Variants in MAP7D2 observed in about 807,000 individuals in gnomAD.
MAP7D2 encodes the protein MAP7 domain-containing protein 2.
MAP7D2 carries 33 observed loss-of-function variants against 63.5 expected under a neutral mutation model. That is an observed-to-expected ratio of 0.52 (90% CI 0.39 to 0.70). The LOEUF is 0.70. Among genes scored for constraint, MAP7D2 ranks in the 30% least tolerant of loss-of-function variants. The probability of loss-of-function intolerance (pLI) is 0.00; values close to 1 mark genes in which losing one functional copy is unlikely to be tolerated. For synonymous variants in MAP7D2, 224 were observed against 223.7 expected (o/e 1.00, Z -0.01); for missense variants, 626 against 604.0 (o/e 1.04, Z -0.38).
intron 1 of MAP7D2, among the ~76,000 whole-genome samples, chrX:20,086,262 G>A (rs1387002303): frequency 8.9e-6 from 1 of 111,845 alleles, no homozygotes; most frequent in African/African-American, 3.3e-5. Context: ...CTTCCCAGCT[G>A]CTCCTGTCCC....
rs148393936 is a variant in MAP7D2, at chrX:20,087,277, T to C, written c.131-22472A>G. Among the ~76,000 whole-genome samples the C allele has an allele frequency of 4.4e-4, 50 of 112,401 alleles. No individual in the cohort carries two copies. The East Asian group carries it at 0.013, about 30-fold the overall frequency. On this transcript the variant is annotated intron_variant, in intron 1 of 16. Coordinates refer to ENST00000379643, the MANE Select transcript of MAP7D2 (RefSeq NM_001168465.2). Reference sequence around the variant, plus strand: ...AGCCAGGTGGGAGGAGTTTGGGTCATGAGGGTTTGGTGCTATGCTCGTGGT... The same window carrying C: ...AGCCAGGTGGGAGGAGTTTGGGTCACGAGGGTTTGGTGCTATGCTCGTGGT...
At chrX:20,116,038 C>T (rs1297106639) in intron 1 of MAP7D2, among the ~76,000 whole-genome samples, 1 of 113,042 alleles carries the variant, frequency 8.8e-6, no homozygotes, top group Non-Finnish European at 1.9e-5. Flanking sequence ...TCCGCTGCCT[C>T]GCTGGCTTCT....
chrX:20,075,568 A>G (rs1650305071), intron 1 of MAP7D2, among the ~76,000 whole-genome samples: 1 of 110,274 alleles, frequency 9.1e-6, no homozygotes, highest in East Asian at 2.8e-4. Flanking sequence ...GTTTTGTGTG[A>G]CTCTTGGAAG....
At chrX:20,047,250 C>T (rs188074103) in intron 6 of MAP7D2, among the ~76,000 whole-genome samples, 1 of 112,676 alleles carries the variant, frequency 8.9e-6, no homozygotes, top group African/African-American at 3.2e-5. Flanking sequence ...CAGTGGGAGG[C>T]CACACTGGGA....
chrX:20,102,262 A>C (rs965850661), intron 1 of MAP7D2, among the ~76,000 whole-genome samples: 5 of 112,018 alleles, frequency 4.5e-5, no homozygotes, highest in Non-Finnish European at 7.5e-5. Flanking sequence ...ATGAATAAGA[A>C]GGGAAAAAAC....
At chrX:20,090,041 A>T (rs1377867357) in intron 1 of MAP7D2, among the ~76,000 whole-genome samples, 2 of 111,747 alleles carry the variant, frequency 1.8e-5, no homozygotes, top group Non-Finnish European at 3.8e-5. Context: ...GCTATTTACA[A>T]TGCTGGCTTT....
intron 12 of MAP7D2, 32 bp downstream of exon 12, chrX:20,015,191 T>A (rs750130734): frequency 9.3e-7 from 1 of 1,078,361 alleles, no homozygotes. Flanking sequence ...CCTGTTCACT[T>A]ACCCTAGGTC....
At chrX:20,040,246 T>C (rs754394277) in intron 8 of MAP7D2, among the ~76,000 whole-genome samples, 71 of 111,443 alleles carry the variant, frequency 6.4e-4, no homozygotes, top group Admixed American at 1.5e-3. Context: ...TGGTCTATTG[T>C]GGGACTTTAC....
At chrX:20,027,431 C>T (rs1603356965) in intron 8 of MAP7D2, among the ~76,000 whole-genome samples, 1 of 111,798 alleles carries the variant, frequency 8.9e-6, no homozygotes, top group South Asian at 3.8e-4. Context: ...CATACATATA[C>T]GCCCGCAGAG....
intron 8 of MAP7D2, among the ~76,000 whole-genome samples, chrX:20,029,915 C>T (rs758137865): frequency 9.0e-6 from 1 of 111,523 alleles, no homozygotes; most frequent in Non-Finnish European, 1.9e-5. Flanking sequence ...GGACTTTGTA[C>T]CCTGTCAGCT....
chrX:20,064,728 C>T lies in MAP7D2; in HGVS notation c.208G>A (p.Ala70Thr), dbSNP rs1324403973. 2 of 1,209,835 alleles carry T rather than the reference C, an allele frequency of 1.7e-6. No homozygotes were observed. The highest frequency in any genetic ancestry group is 2.2e-6 in the Non-Finnish European group (2 of 893,799). ...AAAATAGCCAAAGTGCATAACTTACCCAGACATTTTTCTCTTTCTTCTCGT... is the reference window on the plus strand; with the variant it reads ...AAAATAGCCAAAGTGCATAACTTACTCAGACATTTTTCTCTTTCTTCTCGT... ...ERREEREKCL[A>T]AREQQILEKQ... The change falls in exon 2 of 17, where the codon GCT (alanine) becomes ACT (threonine). Residue 70 changes from alanine (A) to threonine (T), a missense_variant and splice_region_variant. Coordinates refer to ENST00000379643, the MANE Select transcript of MAP7D2 (RefSeq NM_001168465.2).
At position 20,026,070 on chromosome X, in the gene MAP7D2, T is replaced by C. The variant is rs977140952; in HGVS notation, c.1008-118A>G. On this transcript the variant is annotated intron_variant, in intron 8 of 16. Coordinates refer to ENST00000379643, the MANE Select transcript of MAP7D2 (RefSeq NM_001168465.2). ...TTTCATCCTTCCAGAGGAAGGAAAA[T>C]AGGGCTTAGCACACACTCAAAAGTC... is the stretch of plus-strand genomic sequence containing the variant. The C allele has an allele frequency of 8.5e-6, 7 of 824,641 alleles. No homozygotes were observed. In the African/African-American group the frequency reaches 1.0e-4, roughly 12 times the overall value. The allele number at this position is 824,641 out of a possible 1,213,427, so 68.0% of individuals were successfully genotyped here.
chrX:20,116,729 G>C (rs2066904881), intron 1 of MAP7D2, 21 bp downstream of exon 1: 1 of 1,149,658 alleles, frequency 8.7e-7, no homozygotes, highest in African/African-American at 1.8e-5. Context: ...TCGGGCGCCC[G>C]CCACACTCTG....
chrX:20,023,515 C>T (rs1031576629), intron 10 of MAP7D2, among the ~76,000 whole-genome samples: 5 of 112,239 alleles, frequency 4.5e-5, no homozygotes, highest in African/African-American at 6.5e-5. Flanking sequence ...AGTTAGGCAA[C>T]GAGGAGGAGT....
intron 3 of MAP7D2, among the ~76,000 whole-genome samples, chrX:20,060,182 T>C (rs191903865): frequency 1.8e-5 from 2 of 109,716 alleles, no homozygotes; most frequent in East Asian, 5.7e-4. Context: ...ACCAAGTCTG[T>C]CTAATTTTTG....
In MAP7D2 at chrX:20,007,583, T is replaced by G. The variant is rs1164708331; in HGVS notation, c.*842A>C. On this transcript the variant is annotated 3_prime_UTR_variant, in exon 17 of 17. Transcript: ENST00000379643. ...AACAAAGAAAACTCCCAAGATCCAA[T>G]AGAAAAAAAATTAGCAAGAACATTG... 9.0e-6 allele frequency: 1 copy of G among 110,519 alleles called. No individual in the cohort carries two copies. Among genetic ancestry groups the G allele is most frequent in the Non-Finnish European group, 1.9e-5 (1 of 52,804 alleles). 9.1% of individuals were successfully genotyped at this position (110,519 alleles called of 1,213,427 possible). A position where few individuals can be genotyped will look rare whatever the true frequency, so the allele number is the denominator to read the frequency against.
intron 8 of MAP7D2, among the ~76,000 whole-genome samples, chrX:20,033,595 A>T (rs1448229166): frequency 2.7e-5 from 3 of 112,605 alleles, no homozygotes. Context: ...GCCACCCAAC[A>T]GTGGCTTAGT....
intron 4 of MAP7D2, 114 bp from the exon 5 acceptor site, chrX:20,053,102 G>C: frequency 1.0e-5 from 5 of 502,001 alleles, no homozygotes; most frequent in Admixed American, 2.9e-5. Flanking sequence ...AAATGCTGTG[G>C]CACAGCATGC....
intron 1 of MAP7D2, among the ~76,000 whole-genome samples, chrX:20,109,434 C>T (rs75670858): frequency 3.8e-4 from 40 of 104,583 alleles, no homozygotes; most frequent in African/African-American, 1.4e-3. Flanking sequence ...GCAGGAGAAT[C>T]GCTTGAACCC....
Sources: allele counts gnomAD v4.1 joint callset (sites outside exome capture counted in the v4.1 genomes callset), GRCh38; gene constraint gnomAD v4.1.1; transcripts MANE v1.5; gene names NCBI Gene and HGNC (gene_info 2026-07-23, HGNC 2026-07-21).